TRAPPC9: variants seen among roughly 807,000 people sequenced by gnomAD.
TRAPPC9 encodes the protein IKK2 binding protein.
Under a neutral mutation model 124.0 loss-of-function variants are expected in TRAPPC9, and 83 were observed. The ratio of observed to expected loss-of-function variants is 0.67; its 90% CI spans 0.56 to 0.80. The LOEUF is 0.80. Among genes scored for constraint, TRAPPC9 ranks in the 30% least tolerant of loss-of-function variants. The pLI, the probability that TRAPPC9 is intolerant of heterozygous loss-of-function variation, is 0.00. For missense variants in TRAPPC9, 1,302 were observed against 1,508.3 expected (o/e 0.86, Z 2.27); for synonymous variants, 638 against 617.5 (o/e 1.03, Z -0.49).
intron 7 of TRAPPC9, among the ~76,000 whole-genome samples, chr8:140,392,243 G>C (rs2068947676): frequency 6.6e-6 from 1 of 152,166 alleles, no homozygotes; most frequent in South Asian, 2.1e-4. Flanking sequence ...AAGTTGTTGT[G>C]ATGATTATGG....
intron 19 of TRAPPC9, among the ~76,000 whole-genome samples, chr8:139,948,507 C>G (rs1309403912): frequency 6.6e-6 from 1 of 152,104 alleles, no homozygotes; most frequent in East Asian, 1.9e-4. Context: ...GACAGAGGGG[C>G]AGGCAGGAGA....
chr8:140,112,710 G>A (rs952157414), intron 17 of TRAPPC9, among the ~76,000 whole-genome samples: 24 of 152,174 alleles, frequency 1.6e-4, no homozygotes, highest in African/African-American at 2.4e-5. Flanking sequence ...ATTCACAGGT[G>A]GAGACATTCT....
chr8:139,883,999 G>C (rs939499764), intron 21 of TRAPPC9, among the ~76,000 whole-genome samples: 2 of 152,168 alleles, frequency 1.3e-5, no homozygotes, highest in African/African-American at 4.8e-5. Context: ...CTGCACCAGG[G>C]AGGCACCCTG....
At chr8:140,147,840 C>T (rs990467562) in intron 17 of TRAPPC9, among the ~76,000 whole-genome samples, 2 of 152,246 alleles carry the variant, frequency 1.3e-5, no homozygotes, top group East Asian at 1.9e-4. Flanking sequence ...AACACGGCGG[C>T]GGCTCAGGAC....
chr8:139,739,296 G>A (rs966527056), intron 21 of TRAPPC9, among the ~76,000 whole-genome samples: 3 of 152,172 alleles, frequency 2.0e-5, no homozygotes, highest in African/African-American at 4.8e-5. Flanking sequence ...GCCTCCACCC[G>A]CCCCGCCCTG....
At chr8:139,790,931 T>C (rs866724259) in intron 21 of TRAPPC9, among the ~76,000 whole-genome samples, 1 of 152,086 alleles carries the variant, frequency 6.6e-6, no homozygotes, top group Non-Finnish European at 1.5e-5. Flanking sequence ...GTGTGGCAAC[T>C]TCCTCCTCCT....
Position 140,030,100 on chromosome 8 carries a change from TAA to T in TRAPPC9, c.2557-6023_2557-6022del, listed in dbSNP as rs202198717. 9.3e-3 allele frequency among the ~76,000 whole-genome samples: 1,418 copies of T among 152,320 alleles called. 9 individuals carry two copies. The highest frequency in any genetic ancestry group is 0.013 in the Non-Finnish European group (885 of 68,020). Reference sequence around the variant, plus strand: ...AATTCAAAACCCATTTATAGTTTTTTAAAAACTCTCAGCAAACTAGGCATAGA... The same window carrying T: ...AATTCAAAACCCATTTATAGTTTTTTAAACTCTCAGCAAACTAGGCATAGA... On this transcript the variant is annotated intron_variant, in intron 17 of 22. Coordinates refer to ENST00000438773, the MANE Select transcript of TRAPPC9 (RefSeq NM_001160372.4).
chr8:139,899,794 T>C (rs541663490), intron 20 of TRAPPC9, among the ~76,000 whole-genome samples: 5 of 152,276 alleles, frequency 3.3e-5, no homozygotes, highest in African/African-American at 4.8e-5. Context: ...CTGTCCCTAG[T>C]TGGCCTCCTT....
At chr8:140,351,229 CA>C (rs1463665177) in intron 9 of TRAPPC9, among the ~76,000 whole-genome samples, 1 of 123,580 alleles carries the variant, frequency 8.1e-6, no homozygotes, top group Non-Finnish European at 1.7e-5. Context: ...CGCACCCCTC[CA>C]GCCCCCCACG....
At chr8:139,949,471 C>CG (rs1374882120) in intron 19 of TRAPPC9, among the ~76,000 whole-genome samples, 30 of 152,102 alleles carry the variant, frequency 2.0e-4, no homozygotes, top group Non-Finnish European at 8.8e-5. Context: ...TCATTCGTGA[C>CG]AGACAAAAGG....
intron 18 of TRAPPC9, among the ~76,000 whole-genome samples, chr8:139,998,415 G>A (rs1275740791): frequency 6.6e-6 from 1 of 152,198 alleles, no homozygotes; most frequent in East Asian, 1.9e-4. Flanking sequence ...TTCCTATTAA[G>A]TTACTTAAAA....
chr8:140,350,966 G>C (rs1213887122), intron 9 of TRAPPC9, among the ~76,000 whole-genome samples: 1 of 151,960 alleles, frequency 6.6e-6, no homozygotes, highest in East Asian at 2.0e-4. Context: ...GCAAGGGAGA[G>C]GGGCAGGAGG....
intron 19 of TRAPPC9, among the ~76,000 whole-genome samples, chr8:139,939,807 C>G (rs553530508): frequency 4.9e-4 from 74 of 152,182 alleles, no homozygotes; most frequent in Non-Finnish European, 2.6e-4. Flanking sequence ...TCTCTAAGTT[C>G]AGAATGGCAA....
chr8:140,050,989 T>C (rs867127042), intron 17 of TRAPPC9, among the ~76,000 whole-genome samples: 2 of 152,230 alleles, frequency 1.3e-5, no homozygotes, highest in African/African-American at 4.8e-5. Flanking sequence ...CCTTGATGGC[T>C]ATTTTAGACC....
intron 21 of TRAPPC9, among the ~76,000 whole-genome samples, chr8:139,815,480 C>T (rs1052870148): frequency 2.6e-5 from 4 of 151,924 alleles, no homozygotes; most frequent in East Asian, 1.9e-4. Context: ...TTCTGCCTCC[C>T]GGGTTCAAGC....
At chr8:139,923,219 A>G (rs141704470) in intron 19 of TRAPPC9, among the ~76,000 whole-genome samples, 6 of 152,328 alleles carry the variant, frequency 3.9e-5, no homozygotes, top group Non-Finnish European at 7.3e-5. Context: ...GTGGAGCTGA[A>G]CCTATACAAG....
In TRAPPC9 at chr8:139,984,865, C is replaced by T. The variant is rs1837144175; in HGVS notation, c.2810+3861G>A. Among the ~76,000 whole-genome samples the T allele has an allele frequency of 6.6e-6, 1 of 152,116 alleles. No homozygotes were observed. The highest frequency in any genetic ancestry group is 1.5e-5 in the Non-Finnish European group (1 of 68,026). Reference sequence around the variant, plus strand: ...TTCCCAGATGGACGTAACCTCATGACCTCTAGTTCACCCAACGCTCCCACC... The same window carrying T: ...TTCCCAGATGGACGTAACCTCATGATCTCTAGTTCACCCAACGCTCCCACC... On this transcript the variant is annotated intron_variant, in intron 19 of 22. Transcript: ENST00000438773. The surrounding 1 kb of genome is among the most constrained non-coding windows in gnomAD (Gnocchi z 4.3).
intron 21 of TRAPPC9, among the ~76,000 whole-genome samples, chr8:139,795,910 A>T (rs1024177041): frequency 6.6e-6 from 1 of 152,172 alleles, no homozygotes; most frequent in Non-Finnish European, 1.5e-5. Context: ...ACGTTCACTG[A>T]ACAAACACAA....
chr8:139,731,043 G>A lies in TRAPPC9; in HGVS notation c.*18C>T. On this transcript the variant is annotated 3_prime_UTR_variant, in exon 23 of 23. Transcript: ENST00000438773. ...GTCACCTCTGGCCCTGCAGAAAGAG[G>A]GACGGAAGTAGGCGGGCTCAGGCCT... 2 of 1,611,274 alleles carry A rather than the reference G, an allele frequency of 1.2e-6. No homozygotes were observed. Among genetic ancestry groups the A allele is most frequent in the Non-Finnish European group, 1.7e-6 (2 of 1,179,714 alleles).
Sources: allele counts gnomAD v4.1 joint callset (sites outside exome capture counted in the v4.1 genomes callset), GRCh38; gene constraint gnomAD v4.1.1; non-coding constraint Gnocchi (gnomAD v3.1); transcripts MANE v1.5; gene names NCBI Gene and HGNC (gene_info 2026-07-23, HGNC 2026-07-21).